The following ONECUT1 variants were observed in gnomAD, a reference collection of about 807,000 sequenced individuals.
The protein encoded by ONECUT1 is one cut homeobox 1, also known as hepatocyte nuclear factor 6.
ONECUT1 carries 12 observed loss-of-function variants against 25.6 expected under a neutral mutation model. That is an observed-to-expected ratio of 0.47 (90% CI 0.30 to 0.76). ONECUT1 has a LOEUF of 0.76. Ranked by LOEUF, ONECUT1 falls within the 30% of genes least tolerant of loss-of-function variation. The probability of loss-of-function intolerance (pLI) is 0.07; values close to 1 mark genes in which losing one functional copy is unlikely to be tolerated. For synonymous variants in ONECUT1, 285 were observed against 270.2 expected (o/e 1.05, Z -0.54); for missense variants, 620 against 651.2 (o/e 0.95, Z 0.52).
intron 1 of ONECUT1, among the ~76,000 whole-genome samples, chr15:52,776,387 T>A (rs1013833625): frequency 6.6e-6 from 1 of 152,130 alleles, no homozygotes; most frequent in African/African-American, 2.4e-5. Context: ...CTCTCCACCA[T>A]GTCTACTCGA....
intron 1 of ONECUT1, among the ~76,000 whole-genome samples, chr15:52,782,455 G>A (rs2083847428): frequency 6.6e-6 from 1 of 152,134 alleles, no homozygotes; most frequent in Non-Finnish European, 1.5e-5. Flanking sequence ...TTATGATTGT[G>A]CACTAAATCC....
intron 1 of ONECUT1, among the ~76,000 whole-genome samples, chr15:52,770,833 C>G (rs940911027): frequency 6.6e-6 from 1 of 151,886 alleles, no homozygotes; most frequent in South Asian, 2.1e-4. Flanking sequence ...ACATCCAGGG[C>G]AAAGGATATG....
At chr15:52,779,285 TC>T (rs2083824323) in intron 1 of ONECUT1, among the ~76,000 whole-genome samples, 1 of 152,032 alleles carries the variant, frequency 6.6e-6, no homozygotes, top group South Asian at 2.1e-4. Flanking sequence ...AGACAGGGTT[TC>T]ACCCTGTTGG....
At chr15:52,769,673 G>T (rs148445534) in intron 1 of ONECUT1, among the ~76,000 whole-genome samples, 34 of 152,316 alleles carry the variant, frequency 2.2e-4, no homozygotes, top group African/African-American at 7.5e-4. Flanking sequence ...TGGAGAAGCA[G>T]AAGGCACAGG....
chr15:52,776,750 C>A (rs552849291), intron 1 of ONECUT1, among the ~76,000 whole-genome samples: 1 of 152,176 alleles, frequency 6.6e-6, no homozygotes, highest in Non-Finnish European at 1.5e-5. Flanking sequence ...CTTCAGGATA[C>A]AATAAACACC....
intron 1 of ONECUT1, among the ~76,000 whole-genome samples, chr15:52,787,299 C>G (rs2083882152): frequency 6.6e-6 from 1 of 152,132 alleles, no homozygotes; most frequent in Non-Finnish European, 1.5e-5. Context: ...TCAGCCAGCG[C>G]GGTGCTTTGG....
intron 1 of ONECUT1, among the ~76,000 whole-genome samples, chr15:52,770,945 A>G (rs1478866725): frequency 6.6e-6 from 1 of 152,192 alleles, no homozygotes; most frequent in Non-Finnish European, 1.5e-5. Flanking sequence ...CTCAATGTTG[A>G]CAAGAATAAG....
rs140790810 is a variant in ONECUT1 at position 52,789,345 on chromosome 15, C to A, written c.540G>T (p.Ser180=). The stretch of plus-strand genomic sequence containing the variant: ...TGCCCAGACCGGAGCTGGAGAGGGG[C>A]GAGAGGCTCTGGCCCATGCCGGCCA... ...KDVAGMGQSL[S]PLSSSGLGSI... is the part of the protein sequence containing the mutation. Residue 180 remains serine (S), a synonymous_variant, in exon 1 of 2, where the codon TCG becomes TCT. Transcript: ENST00000305901. This position sits in a 1 kb window ranked among gnomAD's most constrained non-coding sequence, Gnocchi z 4.1. 15 of 1,595,322 alleles carry A rather than the reference C, an allele frequency of 9.4e-6. No homozygotes were observed. Among genetic ancestry groups the A allele is most frequent in the Admixed American group, 1.7e-5 (1 of 58,916 alleles).
At chr15:52,764,817 A>C (rs935191) in intron 1 of ONECUT1, among the ~76,000 whole-genome samples, 112,593 of 152,152 alleles carry the variant, frequency 0.74, 42,108 homozygotes, top group East Asian at 1. Context: ...CCTCAGTAGC[A>C]TGCAGGGCCA....
intron 1 of ONECUT1, among the ~76,000 whole-genome samples, chr15:52,767,584 C>T (rs552694238): frequency 4.6e-5 from 7 of 152,322 alleles, no homozygotes; most frequent in Admixed American, 1.3e-4. Context: ...AAGCTCTCCC[C>T]CTGTACTGCA....
intron 1 of ONECUT1, among the ~76,000 whole-genome samples, chr15:52,785,389 G>A (rs1289661709): frequency 6.6e-6 from 1 of 152,040 alleles, no homozygotes; most frequent in Non-Finnish European, 1.5e-5. Flanking sequence ...TCGTTCTGGG[G>A]CAAACACCGG....
At chr15:52,758,175 T>C (rs1227362661) in intron 1 of ONECUT1, among the ~76,000 whole-genome samples, 1 of 152,230 alleles carries the variant, frequency 6.6e-6, no homozygotes, top group Non-Finnish European at 1.5e-5. Flanking sequence ...TTAATCAGTT[T>C]GAACCTTTAT....
At chr15:52,782,093 T>C (rs992774041) in intron 1 of ONECUT1, among the ~76,000 whole-genome samples, 1 of 152,188 alleles carries the variant, frequency 6.6e-6, no homozygotes, top group Non-Finnish European at 1.5e-5. Context: ...TGTGCAGGTT[T>C]TTTACACACG....
intron 1 of ONECUT1, among the ~76,000 whole-genome samples, chr15:52,778,903 C>T (rs898291061): frequency 6.6e-5 from 10 of 152,050 alleles, no homozygotes; most frequent in Non-Finnish European, 1.5e-5. Context: ...GACTGAGGCC[C>T]AGAAAGGTTA....
rs2083860614 is a variant in ONECUT1 at position 52,784,415 on chromosome 15, G to C, written c.1105+4365C>G. Among the ~76,000 whole-genome samples the C allele has an allele frequency of 6.6e-6, 1 of 152,182 alleles. No homozygotes were observed. Among genetic ancestry groups the C allele is most frequent in the Admixed American group, 6.5e-5 (1 of 15,284 alleles). On this transcript the variant is annotated intron_variant, in intron 1 of 1. Transcript: ENST00000305901. This position sits in a 1 kb window ranked among gnomAD's most constrained non-coding sequence, Gnocchi z 5.0. ...ATTGACGGGATAGCCGCATACCTCC[G>C]AACAGGTAGTGGAGTTCGTCTCTGG...
rs112956643 is a variant in ONECUT1, at chr15:52,777,734, AC to A, written c.1105+11045del. Among the ~76,000 whole-genome samples the A allele has an allele frequency of 8.6e-3, 1,087 of 126,770 alleles. 64 individuals carry two copies. Among genetic ancestry groups the A allele is most frequent in the African/African-American group, 0.035 (835 of 23,690 alleles). 83.2% of individuals were successfully genotyped at this position (126,770 alleles called of 152,430 possible). ...CACACACACACACACACACACACAC[AC>A]ACAAAAAAACATGTAAAGTTATTTG... On this transcript the variant is annotated intron_variant, in intron 1 of 1. Coordinates refer to ENST00000305901, the MANE Select transcript of ONECUT1 (RefSeq NM_004498.4).
Position 52,789,926 on chromosome 15 carries a change from G to T in ONECUT1, c.-42C>A. 1 of 1,483,628 alleles carries T rather than the reference G, an allele frequency of 6.7e-7. No homozygotes were observed. Among genetic ancestry groups the T allele is most frequent in the East Asian group, 2.7e-5 (1 of 37,248 alleles). 91.9% of individuals were successfully genotyped at this position (1,483,628 alleles called of 1,614,324 possible). On this transcript the variant is annotated 5_prime_UTR_variant, in exon 1 of 2. Coordinates refer to ENST00000305901, the MANE Select transcript of ONECUT1 (RefSeq NM_004498.4). This position sits in a 1 kb window ranked among gnomAD's most constrained non-coding sequence, Gnocchi z 4.1. ...AGGCGGCGGACACAACATCGATGTGGCCAGGCAGAGGCGGCGAGGGGCGCA... is the reference window on the plus strand; with the variant it reads ...AGGCGGCGGACACAACATCGATGTGTCCAGGCAGAGGCGGCGAGGGGCGCA...
At chr15:52,759,752 G>A (rs1224275803) in intron 1 of ONECUT1, among the ~76,000 whole-genome samples, 1 of 147,902 alleles carries the variant, frequency 6.8e-6, no homozygotes, top group Non-Finnish European at 1.5e-5. Flanking sequence ...GGTGCGTGCT[G>A]CCACAACCTG....
rs961209926 is a variant in ONECUT1, at chr15:52,784,916, G to T, written c.1105+3864C>A. Among the ~76,000 whole-genome samples, 1 of 152,194 alleles carries T rather than the reference G, an allele frequency of 6.6e-6. No homozygotes were observed. Among genetic ancestry groups the T allele is most frequent in the Non-Finnish European group, 1.5e-5 (1 of 68,024 alleles). On this transcript the variant is annotated intron_variant, in intron 1 of 1. Coordinates refer to ENST00000305901, the MANE Select transcript of ONECUT1 (RefSeq NM_004498.4). The surrounding 1 kb of genome is among the most constrained non-coding windows in gnomAD (Gnocchi z 5.0). ...TCGCCCCGGGCTCAGAGGCGGACACGGTCGGTCGCGCCCTGCTGGCCCTTT... is the reference window on the plus strand; with the variant it reads ...TCGCCCCGGGCTCAGAGGCGGACACTGTCGGTCGCGCCCTGCTGGCCCTTT...
Sources: allele counts gnomAD v4.1 joint callset (sites outside exome capture counted in the v4.1 genomes callset), GRCh38; gene constraint gnomAD v4.1.1; non-coding constraint Gnocchi (gnomAD v3.1); transcripts MANE v1.5; gene names NCBI Gene and HGNC (gene_info 2026-07-23, HGNC 2026-07-21).